The following QTMAN variants were observed in gnomAD, a reference collection of about 807,000 sequenced individuals.
The protein encoded by QTMAN is tRNA-queuosine alpha-mannosyltransferase.
the QTMAN span, among the ~76,000 whole-genome samples, chr2:144,105,456 T>C: frequency 1.3e-5 from 2 of 152,192 alleles, no homozygotes; most frequent in Non-Finnish European, 2.9e-5. Flanking sequence ...ACGTGATGAA[T>C]GCACACGTTT....
chr2:143,993,415 A>G, the QTMAN span, among the ~76,000 whole-genome samples: 101 of 149,394 alleles, frequency 6.8e-4, no homozygotes, highest in South Asian at 2.6e-3. Context: ...AAAAAAAAAA[A>G]GGGGGGGGGA....
chr2:144,165,341 G>A, the QTMAN span, among the ~76,000 whole-genome samples: 1 of 151,870 alleles, frequency 6.6e-6, no homozygotes, highest in African/African-American at 2.4e-5. Flanking sequence ...CTGCACTCTC[G>A]CTCCGGGTGA....
chr2:144,087,061 G>C, the QTMAN span, among the ~76,000 whole-genome samples: 1 of 151,986 alleles, frequency 6.6e-6, no homozygotes, highest in Non-Finnish European at 1.5e-5. Flanking sequence ...TCTTTAATAA[G>C]ATCAATAAAA....
At chr2:144,087,673 T>C in the QTMAN span, among the ~76,000 whole-genome samples, 1 of 151,982 alleles carries the variant, frequency 6.6e-6, no homozygotes, top group African/African-American at 2.4e-5. Context: ...ATAAACATCA[T>C]ATATCACATC....
At chr2:143,956,526 A>T in the QTMAN span, among the ~76,000 whole-genome samples, 1 of 152,140 alleles carries the variant, frequency 6.6e-6, no homozygotes, top group Non-Finnish European at 1.5e-5. Context: ...GTTTTATGTC[A>T]ATCTATTTAA....
At chr2:144,042,362 T>C in the QTMAN span, among the ~76,000 whole-genome samples, 5 of 151,930 alleles carry the variant, frequency 3.3e-5, no homozygotes, top group African/African-American at 1.2e-4. Context: ...AGAAAACTAG[T>C]AGCGTCACTG....
chr2:144,059,420 T>G, the QTMAN span, among the ~76,000 whole-genome samples: 135 of 152,186 alleles, frequency 8.9e-4, no homozygotes, highest in Non-Finnish European at 1.5e-3. Context: ...CATTCATCCT[T>G]ATAACAGAGC....
At chr2:144,010,313 T>G in the QTMAN span, among the ~76,000 whole-genome samples, 2 of 152,114 alleles carry the variant, frequency 1.3e-5, no homozygotes, top group Non-Finnish European at 2.9e-5. Context: ...TCCCTAAATG[T>G]TCTCAAGGAT....
At chr2:144,012,376 T>C in the QTMAN span, among the ~76,000 whole-genome samples, 4 of 152,114 alleles carry the variant, frequency 2.6e-5, no homozygotes, top group Admixed American at 2.0e-4. Context: ...GGGAAAAGAC[T>C]AGATTTGAGA....
chr2:144,214,198 A>G, the QTMAN span, among the ~76,000 whole-genome samples: 1 of 152,212 alleles, frequency 6.6e-6, no homozygotes, highest in Non-Finnish European at 1.5e-5. Context: ...AAAGTAATGT[A>G]CTACAATCAA....
At chr2:144,330,065 G>C in the QTMAN span, among the ~76,000 whole-genome samples, 1 of 152,138 alleles carries the variant, frequency 6.6e-6, no homozygotes, top group Admixed American at 6.5e-5. Flanking sequence ...ATGCACTTGA[G>C]GTCCACTTTG....
At chr2:144,214,709 C>G in the QTMAN span, among the ~76,000 whole-genome samples, 11 of 152,226 alleles carry the variant, frequency 7.2e-5, no homozygotes, top group South Asian at 2.3e-3. Context: ...GTTGTAGAGA[C>G]TAAGAACTGA....
the QTMAN span, among the ~76,000 whole-genome samples, chr2:144,021,963 A>G: frequency 6.6e-6 from 1 of 152,174 alleles, no homozygotes; most frequent in Non-Finnish European, 1.5e-5. Flanking sequence ...AAAAAAAATC[A>G]AGAAATAGCA....
At chr2:143,938,691 A>G in the QTMAN span, 4 of 152,314 alleles carry the variant, frequency 2.6e-5, no homozygotes, top group Admixed American at 2.6e-4. Flanking sequence ...CATTTCAAAA[A>G]TAAAATTTCC....
chr2:144,332,570 G>A, the QTMAN span: 5 of 148,804 alleles, frequency 3.4e-5, no homozygotes, highest in African/African-American at 1.2e-4. Context: ...CGGCCGCCTC[G>A]GCCTCCGGGC....
chr2:144,012,110 T>C, the QTMAN span, among the ~76,000 whole-genome samples: 2 of 152,068 alleles, frequency 1.3e-5, no homozygotes, highest in African/African-American at 2.4e-5. Context: ...AGCCAATATG[T>C]GAAACAGAAA....
At chr2:144,104,983 A>G in the QTMAN span, among the ~76,000 whole-genome samples, 1 of 152,338 alleles carries the variant, frequency 6.6e-6, no homozygotes, top group South Asian at 2.1e-4. Context: ...CACTGCTGAT[A>G]CCAAGGCAAA....
chr2:144,129,303 C>T, the QTMAN span, among the ~76,000 whole-genome samples: 1 of 151,844 alleles, frequency 6.6e-6, no homozygotes, highest in African/African-American at 2.4e-5. Context: ...AGGCCAGACT[C>T]ATGAACTCAA....
chr2:144,053,072 G>C, the QTMAN span, among the ~76,000 whole-genome samples: 1 of 152,196 alleles, frequency 6.6e-6, no homozygotes, highest in South Asian at 2.1e-4. Context: ...GATCAAGCAT[G>C]TGCTAGGTCA....
Sources: allele counts gnomAD v4.1 joint callset (sites outside exome capture counted in the v4.1 genomes callset), GRCh38; gene constraint gnomAD v4.1.1; transcripts MANE v1.5; gene names NCBI Gene and HGNC (gene_info 2026-07-23, HGNC 2026-07-21).